PCDHA7: variants seen among roughly 807,000 people sequenced by gnomAD.
The protein encoded by PCDHA7 is protocadherin alpha-7.
A neutral mutation model predicts 57.2 loss-of-function variants in PCDHA7; 37 were observed. The observed-to-expected ratio is 0.65, with a 90% CI of 0.50 to 0.85. The LOEUF is 0.85. PCDHA7 is among the 40% of genes least tolerant of loss of function. PCDHA7 has a pLI of 0.00. For missense variants in PCDHA7, 1,188 were observed against 1,241.8 expected, an observed-to-expected ratio of 0.96 and a Z score of 0.65; for synonymous variants, 553 against 558.8, an observed-to-expected ratio of 0.99 and a Z score of 0.15.
At chr5:140,879,878 T>C (rs1462304142) in intron 1 of PCDHA7, among the ~76,000 whole-genome samples, 1 of 152,198 alleles carries the variant, frequency 6.6e-6, no homozygotes, top group Non-Finnish European at 1.5e-5. Context: ...ATGGTCACAT[T>C]GCCTCCTCCT....
chr5:140,869,059 C>T (rs782790799), intron 1 of PCDHA7: 1 of 1,555,654 alleles, frequency 6.4e-7, no homozygotes, highest in East Asian at 2.2e-5. Context: ...GAATCTGGTA[C>T]TGTAAGTGTA....
rs2150325342 is a variant in PCDHA7, at chr5:140,841,910, A to T, written c.2355+5172A>T. 3.1e-6 allele frequency: 5 copies of T among 1,613,810 alleles called. No individual in the cohort carries two copies. In the African/African-American group the frequency reaches 6.7e-5, roughly 22 times the overall value. ...GAATAAACTGGTTGAGCTCGTATTA[A>T]GAAAATCCTTGGACAGAGAGGACGC... is the stretch of plus-strand genomic sequence containing the variant. On this transcript the variant is annotated intron_variant, in intron 1 of 3. Coordinates refer to ENST00000525929, the MANE Select transcript of PCDHA7 (RefSeq NM_018910.3).
At chr5:140,849,809 G>A (rs147465571) in intron 1 of PCDHA7, 3 of 1,598,384 alleles carry the variant, frequency 1.9e-6, no homozygotes, top group East Asian at 2.2e-5. Context: ...TGTGGGCCAC[G>A]GCCAGGGTGT....
At chr5:140,861,996 G>T (rs988991562) in intron 1 of PCDHA7, 4 of 155,486 alleles carry the variant, frequency 2.6e-5, no homozygotes, top group African/African-American at 9.7e-5. Context: ...AAGGTACACT[G>T]GTTATTAGAC....
intron 3 of PCDHA7, among the ~76,000 whole-genome samples, chr5:140,988,734 T>C (rs2097310672): frequency 1.3e-5 from 2 of 152,212 alleles, no homozygotes. Context: ...ATAGTAATTA[T>C]TCTAGGATTG....
intron 1 of PCDHA7, chr5:140,861,740 T>C (rs1443034121): frequency 1.3e-5 from 2 of 159,082 alleles, no homozygotes; most frequent in Non-Finnish European, 2.7e-5. Flanking sequence ...TTACATACTG[T>C]GCCGCAATGA....
rs1389969210 is a variant in PCDHA7, at chr5:140,877,650, G to T, written c.2355+40912G>T. The T allele has an allele frequency of 3.1e-6, 5 of 1,613,390 alleles. No individual in the cohort carries two copies. The African/African-American group carries it at 6.7e-5, about 22-fold the overall frequency. ...ACACTGCGCTGCGTTGCTCAGCGCC[G>T]CCCACCGTGAGCCGGTGCGCGCCGG... On this transcript the variant is annotated intron_variant, in intron 1 of 3. Coordinates refer to ENST00000525929, the MANE Select transcript of PCDHA7 (RefSeq NM_018910.3).
At chr5:140,841,570 T>G in intron 1 of PCDHA7, 2 of 1,613,936 alleles carry the variant, frequency 1.2e-6, no homozygotes, top group Non-Finnish European at 8.5e-7. Context: ...AGAATGGCAT[T>G]TTGTTTGTGA....
At chr5:140,948,620 TTAA>T (rs1422284059) in intron 1 of PCDHA7, among the ~76,000 whole-genome samples, 3 of 151,714 alleles carry the variant, frequency 2.0e-5, no homozygotes, top group Non-Finnish European at 4.4e-5. Context: ...CACAAAGTTG[TTAA>T]TAATATTCTC....
chr5:140,884,457 G>A, intron 1 of PCDHA7: 1 of 1,613,758 alleles, frequency 6.2e-7, no homozygotes, highest in Non-Finnish European at 8.5e-7. Flanking sequence ...CCCACCGAGG[G>A]CGCGTGCGCG....
intron 1 of PCDHA7, among the ~76,000 whole-genome samples, chr5:140,837,619 T>C (rs1775159860): frequency 6.7e-6 from 1 of 148,926 alleles, no homozygotes; most frequent in Admixed American, 6.6e-5. Flanking sequence ...ATTTGCCCCT[T>C]CCTTCCTTCC....
intron 1 of PCDHA7, among the ~76,000 whole-genome samples, chr5:140,963,771 G>A (rs2095789886): frequency 6.6e-6 from 1 of 152,164 alleles, no homozygotes; most frequent in South Asian, 2.1e-4. Context: ...ATTTCATGAC[G>A]ACAGCAACAA....
At chr5:140,941,255 C>CTCTT (rs1554214207) in intron 1 of PCDHA7, among the ~76,000 whole-genome samples, 2 of 44,508 alleles carry the variant, frequency 4.5e-5, no homozygotes, top group African/African-American at 1.4e-4. Context: ...TTCTTTCTTT[C>CTCTT]TCTTTCTTTC....
chr5:140,869,430 C>T (rs73793507), intron 1 of PCDHA7: 3 of 1,614,154 alleles, frequency 1.9e-6, no homozygotes, highest in South Asian at 2.2e-5. Context: ...TGGAGGTGAT[C>T]GTGGACAGGC....
chr5:140,954,354 C>T lies in PCDHA7; in HGVS notation c.2356-24595C>T, dbSNP rs982671490. ...TTCTGCCTCTAGATCTTTGAGGAAT[C>T]GCCACACAGTCTCCCACAATGAGTG... is the stretch of plus-strand genomic sequence containing the variant. On this transcript the variant is annotated intron_variant, in intron 1 of 3. Transcript: ENST00000525929. Among the ~76,000 whole-genome samples the T allele has an allele frequency of 3.3e-5, 5 of 152,286 alleles. No homozygotes were observed. The East Asian group carries it at 5.8e-4, about 18-fold the overall frequency.
At chr5:140,954,692 C>T (rs1428031536) in intron 1 of PCDHA7, among the ~76,000 whole-genome samples, 10 of 151,966 alleles carry the variant, frequency 6.6e-5, no homozygotes, top group African/African-American at 2.4e-4. Flanking sequence ...GATGGATAGA[C>T]TACAAAATTT....
intron 3 of PCDHA7, among the ~76,000 whole-genome samples, chr5:140,993,754 A>T (rs1253767297): frequency 6.6e-6 from 1 of 152,170 alleles, no homozygotes; most frequent in African/African-American, 2.4e-5. Context: ...ACTTGCCATT[A>T]TATTACAATT....
chr5:140,856,168 C>T lies in PCDHA7; in HGVS notation c.2355+19430C>T, dbSNP rs781959235. On this transcript the variant is annotated intron_variant, in intron 1 of 3. Transcript: ENST00000525929. ...ACTCAGTCTACGAGGAGGCCAGACA[C>T]GGCACCTTCGTGGGCCGCATCGCGC... 25 of 1,598,198 alleles carry T rather than the reference C, an allele frequency of 1.6e-5. 4 individuals carry two copies. The highest frequency in any genetic ancestry group is 2.1e-5 in the Non-Finnish European group (24 of 1,167,912).
At chr5:140,967,792 A>G (rs371669028) in intron 1 of PCDHA7, 4 of 1,614,212 alleles carry the variant, frequency 2.5e-6, no homozygotes, top group Non-Finnish European at 3.4e-6. Context: ...ACCGGGGTCC[A>G]GTGCCCATGG....
Sources: gnomAD v4.1 joint callset for allele counts (sites outside exome capture counted in the v4.1 genomes callset) on GRCh38, gnomAD v4.1.1 for gene constraint, MANE v1.5 for transcripts, NCBI Gene and HGNC (gene_info 2026-07-23, HGNC 2026-07-21) for gene names.